The following ROBO2 variants were observed in gnomAD, a reference collection of about 807,000 sequenced individuals.
ROBO2 encodes roundabout homolog 2.
Under a neutral mutation model 160.8 loss-of-function variants are expected in ROBO2, and 53 were observed. The ratio of observed to expected loss-of-function variants is 0.33; its 90% CI spans 0.26 to 0.41. The LOEUF (loss-of-function observed/expected upper bound fraction) is 0.41, where lower values mean the gene tolerates loss of function less well. Ranked by LOEUF, ROBO2 falls within the 10% of genes least tolerant of loss-of-function variation. The probability of loss-of-function intolerance (pLI) is 1.00; values close to 1 mark genes in which losing one functional copy is unlikely to be tolerated. For missense variants in ROBO2, 1,577 were observed against 1,722.4 expected (o/e 0.92, Z 1.49); for synonymous variants, 664 against 611.7 (o/e 1.09, Z -1.26).
At chr3:76,400,025 A>G (rs2077722793) in intron 2 of ROBO2, among the ~76,000 whole-genome samples, 1 of 151,694 alleles carries the variant, frequency 6.6e-6, no homozygotes, top group Non-Finnish European at 1.5e-5. Flanking sequence ...ACTTCTCTAT[A>G]TAAAGAATAT....
intron 2 of ROBO2, among the ~76,000 whole-genome samples, chr3:76,081,100 A>T (rs2068812952): frequency 6.6e-6 from 1 of 152,010 alleles, no homozygotes; most frequent in South Asian, 2.1e-4. Context: ...TTTGAGGGAA[A>T]ATTCATGAGA....
intron 2 of ROBO2, among the ~76,000 whole-genome samples, chr3:77,107,578 G>C (rs1304383241): frequency 6.6e-6 from 1 of 152,084 alleles, no homozygotes; most frequent in Non-Finnish European, 1.5e-5. Context: ...ATAGTATTAG[G>C]TATTATAAGT....
intron 1 of ROBO2, among the ~76,000 whole-genome samples, chr3:77,064,562 T>C (rs2066652935): frequency 1.3e-5 from 2 of 152,070 alleles, no homozygotes; most frequent in South Asian, 4.2e-4. Context: ...GTTTTTGCCA[T>C]ATTGGCCCGG....
At chr3:76,583,582 C>A (rs963752556) in intron 2 of ROBO2, among the ~76,000 whole-genome samples, 20 of 152,066 alleles carry the variant, frequency 1.3e-4, no homozygotes, top group Admixed American at 1.2e-3. Flanking sequence ...GTCGTCCTGC[C>A]AGTTTCCTTT....
At chr3:76,897,731 T>A (rs922170966) in intron 2 of ROBO2, among the ~76,000 whole-genome samples, 4 of 151,964 alleles carry the variant, frequency 2.6e-5, no homozygotes, top group African/African-American at 9.7e-5. Flanking sequence ...TTTTTGAAAT[T>A]TTTTTAGAGC....
intron 2 of ROBO2, among the ~76,000 whole-genome samples, chr3:77,174,153 C>A (rs987599070): frequency 2.0e-5 from 3 of 152,030 alleles, no homozygotes; most frequent in Non-Finnish European, 4.4e-5. Flanking sequence ...GGTATCTTTT[C>A]AAGTAATGAC....
chr3:77,469,716 G>A (rs891508231), intron 2 of ROBO2, among the ~76,000 whole-genome samples: 1 of 152,054 alleles, frequency 6.6e-6, no homozygotes, highest in African/African-American at 2.4e-5. Context: ...CAAGCCAAGA[G>A]GATTCTATTT....
In ROBO2 at chr3:75,937,500, A is replaced by T. The variant is rs1392822771; in HGVS notation, c.7A>T (p.Arg3Ter). 1.3e-6 allele frequency: 2 copies of T among 1,565,796 alleles called. No individual in the cohort carries two copies. The highest frequency in any genetic ancestry group is 3.5e-5 in the Admixed American group (2 of 56,524). The change falls in exon 2 of 27, where the codon AGA becomes TGA. Residue 3 changes from arginine (R) to a stop codon, truncating the protein, a stop_gained. Coordinates refer to the ROBO2 transcript ENST00000487694. LOFTEE classifies it high-confidence loss of function. ...ATGCAGAGTTTAAGATGCAATGGCCAGAAGACATGAACGTGTCACTAGAAG... is the reference window on the plus strand; with the variant it reads ...ATGCAGAGTTTAAGATGCAATGGCCTGAAGACATGAACGTGTCACTAGAAG...
intron 2 of ROBO2, among the ~76,000 whole-genome samples, chr3:76,946,112 T>G (rs2149139177): frequency 6.6e-6 from 1 of 152,336 alleles, no homozygotes; most frequent in South Asian, 2.1e-4. Flanking sequence ...GTCTTGCTTT[T>G]AAACTTTGTT....
At chr3:76,689,308 A>G (rs1421126997) in intron 2 of ROBO2, among the ~76,000 whole-genome samples, 3 of 152,108 alleles carry the variant, frequency 2.0e-5, no homozygotes, top group African/African-American at 7.2e-5. Context: ...TAAATCTTGT[A>G]CTAGTGAAGC....
At chr3:76,483,233 G>A (rs958587512) in intron 2 of ROBO2, among the ~76,000 whole-genome samples, 1 of 151,436 alleles carries the variant, frequency 6.6e-6, no homozygotes, top group African/African-American at 2.4e-5. Flanking sequence ...TTTTATTGTT[G>A]TATAGAATAA....
chr3:77,185,558 G>A (rs2081204318), intron 2 of ROBO2, among the ~76,000 whole-genome samples: 1 of 151,926 alleles, frequency 6.6e-6, no homozygotes, highest in Non-Finnish European at 1.5e-5. Flanking sequence ...GAACATTGCT[G>A]GTGGGAATGT....
intron 24 of ROBO2, among the ~76,000 whole-genome samples, chr3:77,642,115 G>T (rs9873031): frequency 0.039 from 6,002 of 152,192 alleles, 224 homozygotes; most frequent in African/African-American, 0.095. Context: ...TTGTCAAGCA[G>T]AATATTAATT....
chr3:76,419,331 T>A lies in ROBO2; in HGVS notation c.109+481729T>A, dbSNP rs1249699402. Among the ~76,000 whole-genome samples the A allele has an allele frequency of 2.0e-5, 3 of 152,244 alleles. No individual in the cohort carries two copies. The East Asian group carries it at 5.8e-4, about 29-fold the overall frequency. ...AATAGTAACCACAGAATGCTGTGTC[T>A]GGACTCACTTTTCAGCATAGGCGTA... On this transcript the variant is annotated intron_variant, in intron 2 of 26. Transcript: ENST00000487694.
intron 2 of ROBO2, among the ~76,000 whole-genome samples, chr3:76,810,751 C>T (rs1421275993): frequency 6.6e-6 from 1 of 151,960 alleles, no homozygotes; most frequent in Non-Finnish European, 1.5e-5. Context: ...AAAAGCTAAC[C>T]TGAAAACAAA....
chr3:77,317,167 C>T (rs1560517943), intron 2 of ROBO2: 1 of 987,402 alleles, frequency 1.0e-6, no homozygotes, highest in Non-Finnish European at 1.6e-6. Context: ...CCAGCCAGCC[C>T]TGTAACCCGG....
chr3:77,054,564 T>TA (rs1395320291), intron 1 of ROBO2, among the ~76,000 whole-genome samples: 1 of 152,136 alleles, frequency 6.6e-6, no homozygotes, highest in Non-Finnish European at 1.5e-5. Context: ...GGTCTGATGA[T>TA]AAAGACTAGA....
chr3:75,998,868 TTAAA>T (rs995206615), intron 2 of ROBO2, among the ~76,000 whole-genome samples: 6 of 152,334 alleles, frequency 3.9e-5, no homozygotes, highest in African/African-American at 1.4e-4. Context: ...TGTAAAATTG[TTAAA>T]TATTTTGCAT....
chr3:76,094,504 A>G (rs1355022669), intron 2 of ROBO2, among the ~76,000 whole-genome samples: 1 of 152,208 alleles, frequency 6.6e-6, no homozygotes, highest in Non-Finnish European at 1.5e-5. Flanking sequence ...TCTAGCAAGG[A>G]AAGAATTAAG....
Sources: allele counts gnomAD v4.1 joint callset (sites outside exome capture counted in the v4.1 genomes callset), GRCh38; gene constraint gnomAD v4.1.1; transcripts MANE v1.5; gene names NCBI Gene and HGNC (gene_info 2026-07-23, HGNC 2026-07-21).